TUBGCP3: variants seen among roughly 807,000 people sequenced by gnomAD.
The protein encoded by TUBGCP3 is gamma-tubulin complex component 3.
Under a neutral mutation model 123.1 loss-of-function variants are expected in TUBGCP3, and 50 were observed. The ratio of observed to expected loss-of-function variants is 0.41; its 90% confidence interval spans 0.32 to 0.51. TUBGCP3 has a LOEUF of 0.51. TUBGCP3 is among the 20% of genes least tolerant of loss of function. TUBGCP3 has a pLI of 0.36. For synonymous variants in TUBGCP3, 405 were observed against 413.9 expected (o/e 0.98, Z 0.26); for missense variants, 882 against 1,127.0 (o/e 0.78, Z 3.11).
intron 1 of TUBGCP3, among the ~76,000 whole-genome samples, chr13:112,580,793 C>T (rs1489220510): frequency 6.6e-6 from 1 of 152,096 alleles, no homozygotes; most frequent in Admixed American, 6.5e-5. Flanking sequence ...GGAATAGAAG[C>T]GTAAGAGAAA....
chr13:112,487,077 GTGTGTC>G (rs981547127), intron 21 of TUBGCP3, among the ~76,000 whole-genome samples: 9 of 148,510 alleles, frequency 6.1e-5, no homozygotes, highest in Non-Finnish European at 1.2e-4. Flanking sequence ...GTGTGTGTGT[GTGTGTC>G]TGTGTGTGTG....
intron 6 of TUBGCP3, 24 bp downstream of exon 6, chr13:112,556,028 G>A: frequency 1.2e-6 from 2 of 1,601,274 alleles, no homozygotes; most frequent in African/African-American, 1.3e-5. Flanking sequence ...CAGAAAAGCT[G>A]TATTAACATA....
At chr13:112,487,181 T>A (rs1879743370) in intron 21 of TUBGCP3, among the ~76,000 whole-genome samples, 1 of 152,072 alleles carries the variant, frequency 6.6e-6, no homozygotes, top group East Asian at 1.9e-4. Context: ...GACTTCCTAT[T>A]ATGTGATGAT....
the TUBGCP3 span, chr13:112,604,582 G>C: frequency 6.6e-6 from 1 of 152,204 alleles, no homozygotes; most frequent in African/African-American, 2.4e-5. Context: ...ACAGAAGTGA[G>C]CTACCATGCC....
chr13:112,602,489 C>T, the TUBGCP3 span, among the ~76,000 whole-genome samples: 2 of 152,150 alleles, frequency 1.3e-5, no homozygotes, highest in South Asian at 2.1e-4. Flanking sequence ...TCTTTTCCCT[C>T]GGCACTGAGC....
intron 16 of TUBGCP3, among the ~76,000 whole-genome samples, chr13:112,518,188 A>T (rs1195379024): frequency 6.6e-6 from 1 of 152,190 alleles, no homozygotes; most frequent in Non-Finnish European, 1.5e-5. Context: ...AAAGAGGGTG[A>T]GTGTGCCCTG....
chr13:112,557,221 A>G (rs1330225352), intron 5 of TUBGCP3, among the ~76,000 whole-genome samples: 1 of 152,250 alleles, frequency 6.6e-6, no homozygotes, highest in Non-Finnish European at 1.5e-5. Flanking sequence ...TGAGGTATAA[A>G]TGAGAATGTC....
intron 14 of TUBGCP3, 48 bp from the exon 15 acceptor site, chr13:112,520,069 A>T (rs764006623): frequency 6.4e-7 from 1 of 1,557,218 alleles, no homozygotes; most frequent in East Asian, 2.3e-5. Context: ...TCAATTCTTA[A>T]TGAACTTTAA....
intron 17 of TUBGCP3, 149 bp downstream of exon 17, chr13:112,516,291 T>C: frequency 5.9e-6 from 5 of 847,212 alleles, no homozygotes; most frequent in Non-Finnish European, 8.2e-6. Flanking sequence ...ATAAATGTGA[T>C]TTTAAAAGAA....
At chr13:112,522,033 C>T (rs1876666159) in intron 14 of TUBGCP3, among the ~76,000 whole-genome samples, 1 of 152,144 alleles carries the variant, frequency 6.6e-6, no homozygotes, top group African/African-American at 2.4e-5. Context: ...TGTGATTTGA[C>T]CAACTCCTCA....
At chr13:112,573,916 T>C (rs1881607931) in intron 1 of TUBGCP3, among the ~76,000 whole-genome samples, 2 of 152,216 alleles carry the variant, frequency 1.3e-5, no homozygotes, top group African/African-American at 2.4e-5. Context: ...TTCTCCATCC[T>C]AGGAAGGAAG....
At chr13:112,557,677 C>T (rs1008369213) in intron 5 of TUBGCP3, among the ~76,000 whole-genome samples, 1 of 152,202 alleles carries the variant, frequency 6.6e-6, no homozygotes, top group African/African-American at 2.4e-5. Flanking sequence ...CATGCTTGGA[C>T]CACATACATA....
intron 1 of TUBGCP3, among the ~76,000 whole-genome samples, chr13:112,576,081 AAAAG>A (rs1281337114): frequency 6.6e-6 from 1 of 152,258 alleles, no homozygotes; most frequent in Non-Finnish European, 1.5e-5. Flanking sequence ...AACCTTATTT[AAAAG>A]GTTGTTTTAT....
chr13:112,586,338 T>C (rs963086955), intron 1 of TUBGCP3, among the ~76,000 whole-genome samples: 14 of 152,156 alleles, frequency 9.2e-5, no homozygotes, highest in Non-Finnish European at 1.6e-4. Flanking sequence ...TATGAATGTG[T>C]GGTTTATCCC....
At chr13:112,588,497 A>G (rs1196776054), upstream of TUBGCP3, among the ~76,000 whole-genome samples, 1 of 152,212 alleles carries the variant, frequency 6.6e-6, no homozygotes, top group African/African-American at 2.4e-5. Flanking sequence ...AAGCCTGTTT[A>G]AAGGGTGCAG....
chr13:112,538,714 C>A (rs750101315), intron 11 of TUBGCP3, among the ~76,000 whole-genome samples: 1 of 151,878 alleles, frequency 6.6e-6, no homozygotes, highest in Admixed American at 6.6e-5. Flanking sequence ...TATAGATATA[C>A]AATAAATTAC....
Position 112,485,985 on chromosome 13 carries a change from C to T in TUBGCP3, c.*8G>A, listed in dbSNP as rs779123665. ...ATCACCCGCAGCTCCCTGGGAGGAC[C>T]GCGAGCTTCACGTGTGGGAGCTGCG... On this transcript the variant is annotated 3_prime_UTR_variant, in exon 22 of 22. Coordinates refer to ENST00000261965, the MANE Select transcript of TUBGCP3 (RefSeq NM_006322.6). 3.8e-6 allele frequency: 6 copies of T among 1,575,428 alleles called. No homozygotes were observed. The highest frequency in any genetic ancestry group is 1.1e-5 in the South Asian group (1 of 88,062).
chr13:112,566,474 G>T (rs948498873), intron 2 of TUBGCP3, among the ~76,000 whole-genome samples: 1 of 152,108 alleles, frequency 6.6e-6, no homozygotes, highest in African/African-American at 2.4e-5. Context: ...AAGGATCTTG[G>T]TATGAAGCAC....
chr13:112,561,871 C>G (rs935492193), intron 3 of TUBGCP3, among the ~76,000 whole-genome samples: 1 of 152,104 alleles, frequency 6.6e-6, no homozygotes, highest in Non-Finnish European at 1.5e-5. Context: ...CAAAAATGAA[C>G]AAAATTATGC....
Sources: gnomAD v4.1 joint callset for allele counts (sites outside exome capture counted in the v4.1 genomes callset) on GRCh38, gnomAD v4.1.1 for gene constraint, MANE v1.5 for transcripts, NCBI Gene and HGNC (gene_info 2026-07-23, HGNC 2026-07-21) for gene names.